TNRC6C: variants seen among roughly 807,000 people sequenced by gnomAD.
TNRC6C encodes the protein trinucleotide repeat containing adaptor 6C.
TNRC6C carries 20 observed loss-of-function variants against 153.7 expected under a neutral mutation model. The ratio of observed to expected loss-of-function variants is 0.13; its 90% CI spans 0.09 to 0.19. TNRC6C has a LOEUF of 0.19. TNRC6C is among the 10% of genes least tolerant of loss of function. The pLI is 1.00. For synonymous variants in TNRC6C, 811 were observed against 841.4 expected, an observed-to-expected ratio of 0.96 and a Z score of 0.63; for missense variants, 1,987 against 2,172.0, an observed-to-expected ratio of 0.91 and a Z score of 1.69.
chr17:78,086,781 G>A (rs118089521), intron 12 of TNRC6C, 72 bp from the exon 15 acceptor site: 171 of 1,584,010 alleles, frequency 1.1e-4, no homozygotes, highest in Admixed American at 3.9e-4. Flanking sequence ...AATGAAGAAT[G>A]CATTTGGTCC....
At position 78,079,298 on chromosome 17, in the gene TNRC6C, T is replaced by C; in HGVS notation, c.3211-97T>C. The C allele has an allele frequency of 6.5e-7, 1 of 1,532,230 alleles. No individual in the cohort carries two copies. Among genetic ancestry groups the C allele is most frequent in the Non-Finnish European group, 8.9e-7 (1 of 1,129,650 alleles). The allele number at this position is 1,532,230 out of a possible 1,614,324, so 94.9% of individuals were successfully genotyped here. A position where few individuals can be genotyped will look rare whatever the true frequency, so the allele number is the denominator to read the frequency against. On this transcript the variant is annotated intron_variant, in intron 9 of 19. Transcript: ENST00000301624. The surrounding 1 kb of genome is among the most constrained non-coding windows in gnomAD (Gnocchi z 4.3). The stretch of plus-strand genomic sequence containing the variant: ...TGACAGTGGTAGGAAGTAGAAACAA[T>C]TTTGCATTCACTTGAAATAGATCAT...
exon 3 of TNRC6C, chr17:78,050,846 G>C: frequency 6.2e-7 from 1 of 1,614,000 alleles, no homozygotes; most frequent in East Asian, 2.2e-5. Flanking sequence ...TGGAGTGCAG[G>C]AGGGGGAGAT....
chr17:77,976,390 A>C (rs2070997714), intron 1 of TNRC6C, among the ~76,000 whole-genome samples: 1 of 152,200 alleles, frequency 6.6e-6, no homozygotes, highest in Admixed American at 6.5e-5. Flanking sequence ...ATAGAGATTG[A>C]ATTCATATTC....
intron 1 of TNRC6C, among the ~76,000 whole-genome samples, chr17:78,030,005 G>T (rs975116941): frequency 2.0e-5 from 3 of 151,906 alleles, no homozygotes; most frequent in African/African-American, 7.3e-5. Context: ...GTTAACTGTT[G>T]TTTTTGGCTT....
chr17:78,092,796 T>G, intron 14 of TNRC6C, 137 bp from the exon 17 acceptor site: 1 of 631,524 alleles, frequency 1.6e-6, no homozygotes. Flanking sequence ...ACAGACCAAG[T>G]CTTACAATTC....
intron 19 of TNRC6C, among the ~76,000 whole-genome samples, chr17:78,103,944 G>C (rs1329422171): frequency 6.6e-6 from 1 of 152,196 alleles, no homozygotes; most frequent in Non-Finnish European, 1.5e-5. Flanking sequence ...GGAGGTACTG[G>C]GTGTTAGGAC....
chr17:77,957,774 C>T (rs898212925), upstream of TNRC6C, among the ~76,000 whole-genome samples: 3 of 152,236 alleles, frequency 2.0e-5, no homozygotes, highest in Admixed American at 1.3e-4. Context: ...GCACATTGCG[C>T]CTGACCTTAC....
At chr17:77,982,415 A>G (rs1450906634) in intron 1 of TNRC6C, among the ~76,000 whole-genome samples, 1 of 152,252 alleles carries the variant, frequency 6.6e-6, no homozygotes, top group African/African-American at 2.4e-5. Flanking sequence ...CTCTAGAGTA[A>G]TCACTAAAAG....
At position 78,018,529 on chromosome 17, in the gene TNRC6C, A is replaced by G. The variant is rs892655736; in HGVS notation, c.-545-12987A>G. Among the ~76,000 whole-genome samples the G allele has an allele frequency of 5.9e-5, 9 of 152,182 alleles. No individual in the cohort carries two copies. The South Asian group carries it at 6.2e-4, about 11-fold the overall frequency. ...AAATAAGGAGAGGATAGGTGGGGATATTGACATGTTTGGGGGGGTGGAGCA... is the reference window on the plus strand; with the variant it reads ...AAATAAGGAGAGGATAGGTGGGGATGTTGACATGTTTGGGGGGGTGGAGCA... On this transcript the variant is annotated intron_variant, in intron 1 of 19. Transcript: ENST00000301624.
chr17:78,019,126 T>TTGACTGAGC (rs1333681594), intron 1 of TNRC6C, among the ~76,000 whole-genome samples: 2 of 152,064 alleles, frequency 1.3e-5, no homozygotes, highest in Non-Finnish European at 2.9e-5. Context: ...CAGATGACGA[T>TTGACTGAGC]ATTGAAGTGA....
rs565599867 is a variant in TNRC6C, at chr17:78,005,084, G to A, written c.-546+5G>A. ...CTGCTGATCAAAAAACCAAAGGTAA[G>A]TTTATTTATATTTAGGGGGGTACAT... On this transcript the variant is annotated splice_donor_5th_base_variant and intron_variant, in intron 1 of 19. Coordinates refer to ENST00000301624, the Ensembl canonical transcript of TNRC6C. The A allele has an allele frequency of 8.2e-7, 1 of 1,221,816 alleles. No homozygotes were observed. Among genetic ancestry groups the A allele is most frequent in the Admixed American group, 4.3e-5 (1 of 23,208 alleles). 75.7% of individuals were successfully genotyped at this position (1,221,816 alleles called of 1,614,324 possible). A position where few individuals can be genotyped will look rare whatever the true frequency, so the allele number is the denominator to read the frequency against.
At chr17:78,012,627 G>T (rs536417524) in intron 1 of TNRC6C, among the ~76,000 whole-genome samples, 14 of 152,190 alleles carry the variant, frequency 9.2e-5, no homozygotes, top group Non-Finnish European at 1.6e-4. Context: ...CTTTATCTCA[G>T]CCAGGTGTCA....
chr17:77,975,732 A>T (rs2070988841), intron 1 of TNRC6C, among the ~76,000 whole-genome samples: 1 of 151,340 alleles, frequency 6.6e-6, no homozygotes, highest in Admixed American at 6.6e-5. Context: ...GCCATCTTTT[A>T]CTCTTGCCAC....
At chr17:78,041,799 A>G (rs1221283572) in intron 2 of TNRC6C, among the ~76,000 whole-genome samples, 5 of 152,242 alleles carry the variant, frequency 3.3e-5, no homozygotes, top group African/African-American at 9.6e-5. Context: ...GTAAACGTAT[A>G]CTATCAACTG....
intron 1 of TNRC6C, among the ~76,000 whole-genome samples, chr17:78,022,298 C>T (rs2071849848): frequency 6.6e-6 from 1 of 152,196 alleles, no homozygotes; most frequent in African/African-American, 2.4e-5. Flanking sequence ...ATTGACTACA[C>T]ATAATGCATC....
At chr17:78,045,221 G>T (rs1226788589) in intron 2 of TNRC6C, among the ~76,000 whole-genome samples, 1 of 152,184 alleles carries the variant, frequency 6.6e-6, no homozygotes, top group East Asian at 1.9e-4. Flanking sequence ...ACATGAGGGT[G>T]CTTGGAACAG....
intron 10 of TNRC6C, among the ~76,000 whole-genome samples, chr17:78,080,964 A>C (rs999866580): frequency 6.6e-6 from 1 of 152,214 alleles, no homozygotes; most frequent in Non-Finnish European, 1.5e-5. Context: ...ATGGTGTCTT[A>C]GTCCATTTGG....
intron 2 of TNRC6C, among the ~76,000 whole-genome samples, chr17:78,042,184 C>G (rs1482741639): frequency 6.6e-6 from 1 of 152,174 alleles, no homozygotes; most frequent in Non-Finnish European, 1.5e-5. Context: ...TATTTATAGA[C>G]TGTAAACCAC....
At chr17:78,059,287 T>C (rs2072718387) in intron 3 of TNRC6C, among the ~76,000 whole-genome samples, 1 of 152,190 alleles carries the variant, frequency 6.6e-6, no homozygotes, top group African/African-American at 2.4e-5. Context: ...AAAAGAGAAA[T>C]TATCTGAGTG....
Sources: gnomAD v4.1 joint callset for allele counts (sites outside exome capture counted in the v4.1 genomes callset) on GRCh38, gnomAD v4.1.1 for gene constraint, Gnocchi (gnomAD v3.1) non-coding constraint, MANE v1.5 for transcripts, NCBI Gene and HGNC (gene_info 2026-07-23, HGNC 2026-07-21) for gene names.